TAF4B: variants seen among roughly 807,000 people sequenced by gnomAD.
The protein encoded by TAF4B is transcription initiation factor TFIID subunit 4B.
Under a neutral mutation model 86.4 loss-of-function variants are expected in TAF4B, and 38 were observed. That is an observed-to-expected ratio of 0.44 (90% CI 0.34 to 0.58). The LOEUF (loss-of-function observed/expected upper bound fraction) is 0.58, where lower values mean the gene tolerates loss of function less well. TAF4B is among the 20% of genes least tolerant of loss of function. The pLI is 0.02. For missense variants in TAF4B, 988 were observed against 1,027.6 expected (o/e 0.96, Z 0.53); for synonymous variants, 388 against 391.2 (o/e 0.99, Z 0.10).
At chr18:26,389,449 A>G (rs1978575282) in intron 14 of TAF4B, among the ~76,000 whole-genome samples, 1 of 151,786 alleles carries the variant, frequency 6.6e-6, no homozygotes. Context: ...ATAGATTTTT[A>G]TGTATGCATA....
At chr18:26,337,061 C>T (rs1259587856) in intron 13 of TAF4B, among the ~76,000 whole-genome samples, 1 of 152,148 alleles carries the variant, frequency 6.6e-6, no homozygotes, top group African/African-American at 2.4e-5. Flanking sequence ...GGTAGCAAAC[C>T]TGTGTTTTTC....
chr18:26,227,352 C>G, intron 1 of TAF4B, 76 bp downstream of exon 1: 1 of 1,392,758 alleles, frequency 7.2e-7, no homozygotes, highest in Non-Finnish European at 9.9e-7. Flanking sequence ...CTCCAGATTG[C>G]TCCTAAAAAA....
chr18:26,302,911 CTA>C (rs1407548033), intron 9 of TAF4B, among the ~76,000 whole-genome samples: 11 of 152,036 alleles, frequency 7.2e-5, no homozygotes, highest in South Asian at 4.2e-4. Context: ...TTTTTTATCT[CTA>C]TTTCATTTTA....
intron 13 of TAF4B, among the ~76,000 whole-genome samples, chr18:26,346,516 G>A (rs918480147): frequency 1.3e-5 from 2 of 151,670 alleles, no homozygotes; most frequent in African/African-American, 4.8e-5. Flanking sequence ...AGAACCCCAA[G>A]TAGATTCATC....
In TAF4B at chr18:26,280,459, T is replaced by C. The variant is rs548680789; in HGVS notation, c.883-1512T>C. On this transcript the variant is annotated intron_variant, in intron 5 of 14. Coordinates refer to ENST00000269142, the MANE Select transcript of TAF4B (RefSeq NM_005640.3). Reference sequence around the variant, plus strand: ...ACAGAATCAATAAGGAACTTAAAAATCAACAAGAAAAAACCCCATTAAAAA... The same window carrying C: ...ACAGAATCAATAAGGAACTTAAAAACCAACAAGAAAAAACCCCATTAAAAA... 4.0e-5 allele frequency among the ~76,000 whole-genome samples: 6 copies of C among 151,736 alleles called. No homozygotes were observed. The South Asian group carries it at 1.0e-3, about 26-fold the overall frequency.
chr18:26,350,190 A>G (rs1261756353), intron 13 of TAF4B, among the ~76,000 whole-genome samples: 3 of 152,232 alleles, frequency 2.0e-5, no homozygotes, highest in Non-Finnish European at 2.9e-5. Flanking sequence ...GCCTGTAACA[A>G]AAGCAAAAAT....
intron 9 of TAF4B, among the ~76,000 whole-genome samples, chr18:26,303,908 A>G (rs921062178): frequency 1.3e-5 from 2 of 152,260 alleles, no homozygotes; most frequent in East Asian, 1.9e-4. Flanking sequence ...ACATCTTTCA[A>G]TAAAGTAGTA....
chr18:26,343,033 A>C (rs966215121), intron 13 of TAF4B, among the ~76,000 whole-genome samples: 2 of 152,236 alleles, frequency 1.3e-5, no homozygotes, highest in African/African-American at 4.8e-5. Context: ...TAAAACCTGA[A>C]CAGATGCATG....
chr18:26,257,732 CT>C (rs1463421954), intron 1 of TAF4B, among the ~76,000 whole-genome samples: 1 of 151,922 alleles, frequency 6.6e-6, no homozygotes, highest in African/African-American at 2.4e-5. Context: ...TGCTTTAGGG[CT>C]TACAATATGA....
intron 13 of TAF4B, among the ~76,000 whole-genome samples, chr18:26,354,957 G>A (rs758614343): frequency 3.9e-5 from 6 of 152,144 alleles, no homozygotes; most frequent in African/African-American, 4.8e-5. Context: ...TATTAGAATT[G>A]TGTTAAGTCT....
At chr18:26,296,538 TG>T (rs1469533510) in intron 9 of TAF4B, among the ~76,000 whole-genome samples, 1 of 152,092 alleles carries the variant, frequency 6.6e-6, no homozygotes, top group Non-Finnish European at 1.5e-5. Flanking sequence ...GCATGGGATT[TG>T]TTTTTTTTTC....
chr18:26,268,967 T>A (rs1207441442), intron 3 of TAF4B, among the ~76,000 whole-genome samples: 1 of 152,012 alleles, frequency 6.6e-6, no homozygotes, highest in Non-Finnish European at 1.5e-5. Flanking sequence ...GGATTACAGG[T>A]GTGTGCCACC....
chr18:26,249,477 CAAA>C (rs111318895), intron 1 of TAF4B, among the ~76,000 whole-genome samples: 2 of 138,820 alleles, frequency 1.4e-5, no homozygotes, highest in East Asian at 2.0e-4. Context: ...CTCTCTCTCT[CAAA>C]AAAAAAAAAG....
intron 14 of TAF4B, among the ~76,000 whole-genome samples, chr18:26,369,999 A>G (rs1442223454): frequency 6.6e-6 from 1 of 152,240 alleles, no homozygotes; most frequent in Non-Finnish European, 1.5e-5. Context: ...TCCGTGGCAT[A>G]CAGTGGCAAA....
rs373411158 is a variant in TAF4B, at chr18:26,321,101, T to G, written c.2034T>G (p.Ser678=). 6.2e-6 allele frequency: 10 copies of G among 1,613,804 alleles called. No individual in the cohort carries two copies. Among genetic ancestry groups the G allele is most frequent in the Non-Finnish European group, 8.5e-6 (10 of 1,179,848 alleles). Reference sequence around the variant, plus strand: ...AGCATGACATTACAGAACTTAACTCTGATGCTGTGAACTTGATCTCCCAAG... The same window carrying G: ...AGCATGACATTACAGAACTTAACTCGGATGCTGTGAACTTGATCTCCCAAG... ...GKKHDITELN[S]DAVNLISQAT... The change falls in exon 11 of 15, where the codon TCT becomes TCG. Residue 678 remains serine (S), a synonymous_variant. Transcript: ENST00000269142.
At chr18:26,237,342 T>C (rs2144445086) in intron 1 of TAF4B, among the ~76,000 whole-genome samples, 1 of 152,306 alleles carries the variant, frequency 6.6e-6, no homozygotes, top group Middle Eastern at 3.4e-3. Flanking sequence ...CTGTAGGACA[T>C]CTATATACCT....
chr18:26,357,302 C>T (rs2144732950), intron 13 of TAF4B, among the ~76,000 whole-genome samples: 1 of 152,262 alleles, frequency 6.6e-6, no homozygotes, highest in Non-Finnish European at 1.5e-5. Context: ...CAATAATGTA[C>T]AAAAACTGTC....
intron 9 of TAF4B, 74 bp from the exon 10 acceptor site, chr18:26,315,155 T>TCACACACACACACACACACA: frequency 4.3e-6 from 2 of 465,408 alleles, no homozygotes; most frequent in Non-Finnish European, 3.1e-6. Flanking sequence ...TGTCTCTCTC[T>TCACACACACACACACACACA]CTCTCTCACA....
intron 14 of TAF4B, among the ~76,000 whole-genome samples, 193 bp from the exon 15 acceptor site, chr18:26,389,652 G>C (rs1332929063): frequency 1.3e-5 from 2 of 152,202 alleles, no homozygotes; most frequent in African/African-American, 4.8e-5. Context: ...AAGAATGAAT[G>C]AGGTCAGGTG....
Sources: gnomAD v4.1 joint callset for allele counts (sites outside exome capture counted in the v4.1 genomes callset) on GRCh38, gnomAD v4.1.1 for gene constraint, MANE v1.5 for transcripts, NCBI Gene and HGNC (gene_info 2026-07-23, HGNC 2026-07-21) for gene names.